The following FAT3 variants were observed in gnomAD, a reference collection of about 807,000 sequenced individuals.
The protein encoded by FAT3 is protocadherin Fat 3.
In FAT3, 95 loss-of-function variants were observed where a neutral mutation model predicts 310.2. The ratio of observed to expected loss-of-function variants is 0.31; its 90% CI spans 0.26 to 0.36. The LOEUF (loss-of-function observed/expected upper bound fraction) is 0.36. FAT3 is among the 10% of genes least tolerant of loss of function. The pLI is 1.00. For synonymous variants in FAT3, 2,314 were observed against 2,192.9 expected, an observed-to-expected ratio of 1.06 and a Z score of -1.54; for missense variants, 5,408 against 5,715.6, an observed-to-expected ratio of 0.95 and a Z score of 1.74.
intron 3 of FAT3, among the ~76,000 whole-genome samples, chr11:92,559,054 A>T (rs955635267): frequency 1.3e-5 from 2 of 152,012 alleles, no homozygotes; most frequent in African/African-American, 4.8e-5. Context: ...ACTATTCTCC[A>T]TTTAAGAGGT....
chr11:92,254,292 T>C (rs1485142138), intron 1 of FAT3, among the ~76,000 whole-genome samples: 1 of 152,146 alleles, frequency 6.6e-6, no homozygotes, highest in Non-Finnish European at 1.5e-5. Context: ...ATTTAAGAAA[T>C]GTTGATATCC....
At position 92,831,984 on chromosome 11, in the gene FAT3, G is replaced by T; in HGVS notation, c.9844G>T (p.Gly3282Trp). 6.4e-7 allele frequency: 1 copy of T among 1,554,442 alleles called. No individual in the cohort carries two copies. Among genetic ancestry groups the T allele is most frequent in the South Asian group, 1.2e-5 (1 of 84,400 alleles). Residue 3282 changes from glycine to tryptophan, a missense_variant, in exon 14 of 28, where the codon GGG (glycine) becomes TGG (tryptophan). By Grantham distance (184) the Gly-to-Trp change is radical. Coordinates refer to ENST00000525166, the MANE Select transcript of FAT3 (RefSeq NM_001367949.2). The part of the protein sequence containing the change: ...TYLIRSGNEQ[G>W]KFKINPKTGG... ...TCTCATCCGGTCTGGGAACGAACAAGGGAAATTTAAGATCAACCCCAAGAC... is the reference window on the plus strand; with the variant it reads ...TCTCATCCGGTCTGGGAACGAACAATGGAAATTTAAGATCAACCCCAAGAC...
chr11:92,699,744 A>G (rs918991231), intron 4 of FAT3, among the ~76,000 whole-genome samples: 2 of 152,206 alleles, frequency 1.3e-5, no homozygotes, highest in African/African-American at 2.4e-5. Flanking sequence ...CAGCATAGCA[A>G]TTAACAACTT....
intron 8 of FAT3, 143 bp from the exon 9 acceptor site, chr11:92,792,624 T>TA: frequency 1.4e-6 from 1 of 706,152 alleles, no homozygotes; most frequent in Middle Eastern, 3.7e-4. Flanking sequence ...ATACTACCAT[T>TA]TACTGAGCAC....
Position 92,353,951 on chromosome 11 carries a change from C to A in FAT3, c.1839C>A (p.Tyr613Ter). The A allele has an allele frequency of 6.2e-7, 1 of 1,612,650 alleles. No homozygotes were observed. The highest frequency in any genetic ancestry group is 8.5e-7 in the Non-Finnish European group (1 of 1,178,968). Reference sequence around the variant, plus strand: ...TCGATGAACTTGAACTTGTAAAGTACAAAATCATTTCTGGAAATGAACTTG... The same window carrying A: ...TCGATGAACTTGAACTTGTAAAGTAAAAAATCATTTCTGGAAATGAACTTG... The part of the protein sequence containing the change: ...IDIDELELVK[Y>*]KIISGNELGF... Residue 613 changes from tyrosine to a stop codon, truncating the protein, a stop_gained, in exon 2 of 28, where the codon TAC becomes TAA. Coordinates refer to ENST00000525166, the MANE Select transcript of FAT3 (RefSeq NM_001367949.2). LOFTEE classifies it high-confidence loss of function.
At chr11:92,597,357 A>G (rs1427208323) in intron 3 of FAT3, among the ~76,000 whole-genome samples, 1 of 152,206 alleles carries the variant, frequency 6.6e-6, no homozygotes, top group Non-Finnish European at 1.5e-5. Context: ...ATAGCTGAGG[A>G]AATGGAAAAT....
At chr11:92,569,720 A>G (rs1955603498) in intron 3 of FAT3, among the ~76,000 whole-genome samples, 1 of 152,126 alleles carries the variant, frequency 6.6e-6, no homozygotes, top group African/African-American at 2.4e-5. Context: ...TGTAGTGGGA[A>G]CCCCACTGCA....
At chr11:92,549,483 A>G (rs74611100) in intron 3 of FAT3, among the ~76,000 whole-genome samples, 2,129 of 152,302 alleles carry the variant, frequency 0.014, 60 homozygotes, top group African/African-American at 0.048. Flanking sequence ...ACATGGCCCC[A>G]TTGAGCTGGA....
At chr11:92,878,997 A>G (rs1949607336) in intron 22 of FAT3, among the ~76,000 whole-genome samples, 1 of 152,096 alleles carries the variant, frequency 6.6e-6, no homozygotes, top group Non-Finnish European at 1.5e-5. Context: ...AAAGTACATC[A>G]CTGCAAAATC....
chr11:92,600,659 GT>G (rs1368596522), intron 3 of FAT3, among the ~76,000 whole-genome samples: 1 of 152,166 alleles, frequency 6.6e-6, no homozygotes, highest in Non-Finnish European at 1.5e-5. Context: ...GCCAATCAAG[GT>G]TTGTGCTTTG....
At chr11:92,559,780 T>C (rs770959149) in intron 3 of FAT3, among the ~76,000 whole-genome samples, 1 of 152,236 alleles carries the variant, frequency 6.6e-6, no homozygotes, top group East Asian at 1.9e-4. Flanking sequence ...TAAGGATCAT[T>C]TGTGTTGTGT....
intron 1 of FAT3, among the ~76,000 whole-genome samples, chr11:92,263,637 G>GTA (rs748988062): frequency 6.2e-4 from 79 of 128,064 alleles, no homozygotes; most frequent in Admixed American, 1.1e-3. Flanking sequence ...GTGTGTGTGT[G>GTA]TATATATATA....
At chr11:92,277,662 G>A (rs1946309601) in intron 1 of FAT3, among the ~76,000 whole-genome samples, 1 of 151,944 alleles carries the variant, frequency 6.6e-6, no homozygotes, top group Non-Finnish European at 1.5e-5. Context: ...GGCATACATG[G>A]GCGTAAAGAT....
intron 23 of FAT3, among the ~76,000 whole-genome samples, chr11:92,882,291 G>A (rs1949686088): frequency 1.3e-5 from 2 of 152,184 alleles, no homozygotes; most frequent in Non-Finnish European, 2.9e-5. Context: ...CTGTGAGGGG[G>A]AGGAGTATTT....
chr11:92,752,660 A>G (rs1945860374), intron 4 of FAT3, among the ~76,000 whole-genome samples: 1 of 152,214 alleles, frequency 6.6e-6, no homozygotes, highest in African/African-American at 2.4e-5. Context: ...GTGTGATTAT[A>G]TTATATATTG....
At chr11:92,412,421 T>TTTTTTTTTTA (rs1950295710) in intron 2 of FAT3, among the ~76,000 whole-genome samples, 1 of 140,360 alleles carries the variant, frequency 7.1e-6, no homozygotes, top group Admixed American at 7.3e-5. Flanking sequence ...TTTTTTTTTT[T>TTTTTTTTTTA]GAGAGTTTAC....
intron 1 of FAT3, among the ~76,000 whole-genome samples, chr11:92,254,178 A>T (rs974851653): frequency 6.6e-6 from 1 of 152,134 alleles, no homozygotes; most frequent in East Asian, 1.9e-4. Flanking sequence ...CAGAGGCCAC[A>T]TAGAAGCCCA....
intron 3 of FAT3, among the ~76,000 whole-genome samples, chr11:92,628,342 C>A (rs1941413044): frequency 6.6e-6 from 1 of 152,142 alleles, no homozygotes; most frequent in Non-Finnish European, 1.5e-5. Context: ...TATAATTTAT[C>A]TGGTTTATTA....
intron 13 of FAT3, 94 bp downstream of exon 13, chr11:92,810,170 C>A: frequency 8.8e-7 from 1 of 1,141,376 alleles, no homozygotes; most frequent in Non-Finnish European, 1.3e-6. Flanking sequence ...TTAATCAACC[C>A]CCTTGGTTCT....
Sources: allele counts gnomAD v4.1 joint callset (sites outside exome capture counted in the v4.1 genomes callset), GRCh38; gene constraint gnomAD v4.1.1; transcripts MANE v1.5; gene names NCBI Gene and HGNC (gene_info 2026-07-23, HGNC 2026-07-21).